The following ZFAT variants were observed in gnomAD, a reference collection of about 807,000 sequenced individuals.
The protein encoded by ZFAT is zinc finger and AT-hook domain containing.
A neutral mutation model predicts 117.7 loss-of-function variants in ZFAT; 64 were observed. The observed-to-expected ratio is 0.54, with a 90% CI of 0.44 to 0.67. The LOEUF is 0.67. Among genes scored for constraint, ZFAT ranks in the 30% least tolerant of loss-of-function variants. The pLI, the probability that ZFAT is intolerant of heterozygous loss-of-function variation, is 0.00. For missense variants in ZFAT, 1,433 were observed against 1,584.5 expected (o/e 0.90, Z 1.62); for synonymous variants, 679 against 615.0 (o/e 1.10, Z -1.54).
At chr8:134,563,522 T>G (rs976326159) in intron 11 of ZFAT, among the ~76,000 whole-genome samples, 10 of 152,180 alleles carry the variant, frequency 6.6e-5, no homozygotes, top group Admixed American at 6.5e-4. Flanking sequence ...GAGCATAAAA[T>G]AAACTTGCCA....
At chr8:134,578,037 CAG>C (rs1156928327) in intron 10 of ZFAT, among the ~76,000 whole-genome samples, 1 of 141,282 alleles carries the variant, frequency 7.1e-6, no homozygotes, top group Non-Finnish European at 1.6e-5. Flanking sequence ...TCCATTCAGA[CAG>C]GGGGAAAGAA....
intron 1 of ZFAT, among the ~76,000 whole-genome samples, chr8:134,708,965 AT>A (rs1813888552): frequency 6.6e-6 from 1 of 152,078 alleles, no homozygotes; most frequent in Non-Finnish European, 1.5e-5. Context: ...AATTAATTTA[AT>A]TTAATTTTTA....
chr8:134,503,537 C>T (rs1438744527), intron 15 of ZFAT, among the ~76,000 whole-genome samples: 1 of 152,142 alleles, frequency 6.6e-6, no homozygotes, highest in African/African-American at 2.4e-5. Flanking sequence ...TTCGGTCATA[C>T]ATTATTCTAG....
At chr8:134,624,717 C>G (rs1462468247) in intron 3 of ZFAT, among the ~76,000 whole-genome samples, 1 of 152,088 alleles carries the variant, frequency 6.6e-6, no homozygotes, top group Non-Finnish European at 1.5e-5. Flanking sequence ...GCAGGATTTG[C>G]GTCCGAATTT....
At chr8:134,799,732 C>A in the ZFAT span, among the ~76,000 whole-genome samples, 1 of 152,126 alleles carries the variant, frequency 6.6e-6, no homozygotes, top group Non-Finnish European at 1.5e-5. Flanking sequence ...AATTCTTTGC[C>A]ACTATATTAC....
chr8:134,566,085 C>A (rs9694186), intron 10 of ZFAT, among the ~76,000 whole-genome samples: 51,143 of 151,880 alleles, frequency 0.34, 9,050 homozygotes, highest in African/African-American at 0.44. Context: ...AAAAGTAAAC[C>A]ACTGGTCTTA....
chr8:134,773,985 T>TA, the ZFAT span, among the ~76,000 whole-genome samples: 1 of 16,850 alleles, frequency 5.9e-5, no homozygotes, highest in African/African-American at 1.8e-4. Flanking sequence ...TGAGGATTAA[T>TA]TTTTTTTTTT....
At chr8:134,656,419 G>C (rs377349088) in intron 2 of ZFAT, among the ~76,000 whole-genome samples, 1 of 152,142 alleles carries the variant, frequency 6.6e-6, no homozygotes, top group African/African-American at 2.4e-5. Context: ...ACTAACTGCT[G>C]CTCCTTATTC....
chr8:134,747,206 A>G, the ZFAT span, among the ~76,000 whole-genome samples: 1 of 151,970 alleles, frequency 6.6e-6, no homozygotes, highest in Non-Finnish European at 1.5e-5. Context: ...CTCCCACCTC[A>G]GCCTCCCAAG....
the ZFAT span, among the ~76,000 whole-genome samples, chr8:134,757,180 C>A: frequency 1.3e-5 from 2 of 151,874 alleles, no homozygotes; most frequent in African/African-American, 4.8e-5. Context: ...CCACACCTGG[C>A]TAATTTTTGT....
chr8:134,638,412 G>A (rs1259523136), intron 2 of ZFAT, among the ~76,000 whole-genome samples: 1 of 151,982 alleles, frequency 6.6e-6, no homozygotes, highest in Non-Finnish European at 1.5e-5. Context: ...GGAATTAAGA[G>A]GGGTGAGCGG....
At chr8:134,672,898 A>C (rs1156965608) in intron 1 of ZFAT, among the ~76,000 whole-genome samples, 3 of 152,214 alleles carry the variant, frequency 2.0e-5, no homozygotes, top group Non-Finnish European at 2.9e-5. Context: ...CCTAAACAGG[A>C]AGAAAATATA....
At chr8:134,557,912 C>T (rs1316118168) in intron 11 of ZFAT, among the ~76,000 whole-genome samples, 3 of 152,172 alleles carry the variant, frequency 2.0e-5, no homozygotes, top group Admixed American at 6.5e-5. Context: ...TACAGGAGAA[C>T]ATTTTAAGTA....
the ZFAT span, among the ~76,000 whole-genome samples, chr8:134,758,105 A>G: frequency 6.6e-6 from 1 of 152,214 alleles, no homozygotes; most frequent in Non-Finnish European, 1.5e-5. Flanking sequence ...TTGAAGTTGC[A>G]AGGATAAATG....
intron 12 of ZFAT, among the ~76,000 whole-genome samples, chr8:134,527,616 T>C (rs916337669): frequency 2.2e-4 from 33 of 152,334 alleles, no homozygotes; most frequent in African/African-American, 7.2e-4. Flanking sequence ...GGAAGTCACA[T>C]GCAAGCACTG....
chr8:134,560,153 T>C (rs1487569455), intron 11 of ZFAT, among the ~76,000 whole-genome samples: 2 of 152,164 alleles, frequency 1.3e-5, no homozygotes, highest in Non-Finnish European at 2.9e-5. Context: ...ATGGCAGATC[T>C]CACAAACCAT....
At chr8:134,752,793 A>G in the ZFAT span, among the ~76,000 whole-genome samples, 11 of 152,034 alleles carry the variant, frequency 7.2e-5, no homozygotes, top group African/African-American at 2.4e-4. Flanking sequence ...GCCAGCATGC[A>G]TGTCTTCCGG....
chr8:134,658,211 C>T (rs1375756280), intron 1 of ZFAT, among the ~76,000 whole-genome samples: 1 of 152,036 alleles, frequency 6.6e-6, no homozygotes, highest in African/African-American at 2.4e-5. Flanking sequence ...GCAGCGTGCA[C>T]CTGTAGGCCC....
At chr8:134,599,947 C>T in intron 7 of ZFAT, 1 of 385,252 alleles carries the variant, frequency 2.6e-6, no homozygotes, top group South Asian at 2.0e-5. Context: ...CAAAGACATT[C>T]TCTCCCAGAG....
Sources: gnomAD v4.1 joint callset for allele counts (sites outside exome capture counted in the v4.1 genomes callset) on GRCh38, gnomAD v4.1.1 for gene constraint, MANE v1.5 for transcripts, NCBI Gene and HGNC (gene_info 2026-07-23, HGNC 2026-07-21) for gene names.